TENM3: variants seen among roughly 807,000 people sequenced by gnomAD.
TENM3 encodes the protein teneurin-3.
Under a neutral mutation model 255.1 loss-of-function variants are expected in TENM3, and 63 were observed. The ratio of observed to expected loss-of-function variants is 0.25; its 90% CI spans 0.20 to 0.30. TENM3 has a LOEUF of 0.30. TENM3 is among the 10% of genes least tolerant of loss of function. TENM3 has a pLI of 1.00. For missense variants in TENM3, 2,929 were observed against 3,461.1 expected (o/e 0.85, Z 3.86); for synonymous variants, 1,306 against 1,322.3 (o/e 0.99, Z 0.27).
intron 6 of TENM3, among the ~76,000 whole-genome samples, chr4:182,667,498 C>T (rs1389797280): frequency 6.6e-6 from 1 of 152,084 alleles, no homozygotes; most frequent in African/African-American, 2.4e-5. Context: ...CCAAATTTAC[C>T]TTTTGTCAGA....
chr4:181,543,213 C>T, the TENM3 span, among the ~76,000 whole-genome samples: 57 of 152,260 alleles, frequency 3.7e-4, 1 homozygote, highest in South Asian at 0.012. Flanking sequence ...TTCCTTCAAA[C>T]GTGTGTACTC....
chr4:182,187,692 C>CTTAA (rs1360082014), intron 1 of TENM3, among the ~76,000 whole-genome samples: 1 of 151,982 alleles, frequency 6.6e-6, no homozygotes, highest in Non-Finnish European at 1.5e-5. Flanking sequence ...AAGAAAAGCT[C>CTTAA]TTAAGTCAGT....
chr4:181,857,772 AAGAG>A, the TENM3 span, among the ~76,000 whole-genome samples: 2 of 151,776 alleles, frequency 1.3e-5, no homozygotes, highest in African/African-American at 2.4e-5. Context: ...ACAAAAAAAA[AAGAG>A]AGAGAGAGAC....
At chr4:181,964,795 T>A in the TENM3 span, among the ~76,000 whole-genome samples, 3 of 152,124 alleles carry the variant, frequency 2.0e-5, no homozygotes, top group African/African-American at 7.2e-5. Flanking sequence ...GACAAACATT[T>A]ACAAAACAAA....
At chr4:181,539,313 T>C in the TENM3 span, among the ~76,000 whole-genome samples, 3 of 152,242 alleles carry the variant, frequency 2.0e-5, no homozygotes, top group African/African-American at 7.2e-5. Flanking sequence ...TATTACAATG[T>C]TTAAAATTAA....
chr4:181,748,690 G>A, the TENM3 span, among the ~76,000 whole-genome samples: 19,382 of 151,974 alleles, frequency 0.13, 1,672 homozygotes, highest in Non-Finnish European at 0.19. Context: ...AAATATGTTC[G>A]ATTGGATAAT....
intron 1 of TENM3, among the ~76,000 whole-genome samples, chr4:182,281,940 T>A (rs1760412798): frequency 6.6e-6 from 1 of 152,150 alleles, no homozygotes; most frequent in Non-Finnish European, 1.5e-5. Context: ...TTCGCCATGT[T>A]GGCCAGGCTG....
At chr4:181,794,666 C>CTGTG in the TENM3 span, among the ~76,000 whole-genome samples, 9,757 of 142,854 alleles carry the variant, frequency 0.068, 422 homozygotes, top group African/African-American at 0.13. Context: ...AATAATATCC[C>CTGTG]TGTGTGTGTG....
intron 1 of TENM3, among the ~76,000 whole-genome samples, chr4:182,230,638 C>A (rs1007377632): frequency 1.3e-5 from 2 of 151,694 alleles, no homozygotes; most frequent in Non-Finnish European, 2.9e-5. Context: ...CCCATCTGCA[C>A]CCTTCCTACG....
the TENM3 span, among the ~76,000 whole-genome samples, chr4:181,918,905 T>C: frequency 1.3e-5 from 2 of 152,066 alleles, no homozygotes; most frequent in Admixed American, 1.3e-4. Context: ...AATAATAAAT[T>C]CAAAAAATAA....
the TENM3 span, among the ~76,000 whole-genome samples, chr4:181,983,364 A>T: frequency 6.6e-6 from 1 of 152,122 alleles, no homozygotes; most frequent in Admixed American, 6.6e-5. Flanking sequence ...TTGTGGATAC[A>T]CTTTCTAGAT....
chr4:181,754,994 A>G, the TENM3 span, among the ~76,000 whole-genome samples: 1 of 152,132 alleles, frequency 6.6e-6, no homozygotes, highest in Admixed American at 6.6e-5. Context: ...TCAAGGGCAA[A>G]CATGAGGGTT....
chr4:182,547,744 T>A (rs1386431523), intron 3 of TENM3, among the ~76,000 whole-genome samples: 1 of 152,190 alleles, frequency 6.6e-6, no homozygotes, highest in Non-Finnish European at 1.5e-5. Flanking sequence ...ACTATCTTTT[T>A]GTGTCATGTA....
chr4:182,159,391 A>G (rs1405353048), intron 1 of TENM3, among the ~76,000 whole-genome samples: 1 of 152,106 alleles, frequency 6.6e-6, no homozygotes, highest in African/African-American at 2.4e-5. Context: ...ATGAGCTAAC[A>G]CACAGGGAGG....
intron 1 of TENM3, among the ~76,000 whole-genome samples, chr4:182,297,702 C>T (rs940504466): frequency 2.6e-5 from 4 of 152,166 alleles, no homozygotes; most frequent in Non-Finnish European, 4.4e-5. Flanking sequence ...TTTTAGATGA[C>T]AAGTCTAGAT....
At chr4:182,407,514 G>GTTTTTT (rs1769665287) in intron 3 of TENM3, among the ~76,000 whole-genome samples, 1 of 152,114 alleles carries the variant, frequency 6.6e-6, no homozygotes, top group African/African-American at 2.4e-5. Flanking sequence ...ATGTCACATT[G>GTTTTTT]TTTGTAACTT....
chr4:181,656,209 GA>G, the TENM3 span, among the ~76,000 whole-genome samples: 1 of 152,216 alleles, frequency 6.6e-6, no homozygotes, highest in African/African-American at 2.4e-5. Flanking sequence ...ATCTGCAGAG[GA>G]AGATGGGAAA....
chr4:181,890,055 C>A, the TENM3 span, among the ~76,000 whole-genome samples: 1 of 152,130 alleles, frequency 6.6e-6, no homozygotes, highest in Non-Finnish European at 1.5e-5. Flanking sequence ...AATCCATCAG[C>A]CACCCCCTTT....
chr4:182,504,768 A>G (rs147783177), intron 3 of TENM3, among the ~76,000 whole-genome samples: 4 of 152,338 alleles, frequency 2.6e-5, no homozygotes, highest in South Asian at 2.1e-4. Context: ...TCTTATAGCA[A>G]TATGCCAGCC....
Sources: allele counts gnomAD v4.1 joint callset (sites outside exome capture counted in the v4.1 genomes callset), GRCh38; gene constraint gnomAD v4.1.1; transcripts MANE v1.5; gene names NCBI Gene and HGNC (gene_info 2026-07-23, HGNC 2026-07-21).